Variants in KCNIP1 observed in about 807,000 individuals in gnomAD.
KCNIP1 encodes A-type potassium channel modulatory protein KCNIP1.
KCNIP1 carries 18 observed loss-of-function variants against 33.0 expected under a neutral mutation model. The observed-to-expected ratio is 0.55, with a 90% confidence interval of 0.38 to 0.81. The LOEUF (loss-of-function observed/expected upper bound fraction) is 0.81, where lower values mean the gene tolerates loss of function less well. Ranked by LOEUF, KCNIP1 falls within the 30% of genes least tolerant of loss-of-function variation. The probability of loss-of-function intolerance (pLI) is 0.00; values close to 1 mark genes in which losing one functional copy is unlikely to be tolerated. For missense variants in KCNIP1, 238 were observed against 271.6 expected (o/e 0.88, Z 0.87); for synonymous variants, 93 against 98.3 (o/e 0.95, Z 0.32).
intron 1 of KCNIP1, among the ~76,000 whole-genome samples, chr5:170,704,688 A>G (rs1238339701): frequency 6.6e-6 from 1 of 152,168 alleles, no homozygotes; most frequent in Non-Finnish European, 1.5e-5. Flanking sequence ...CTCCAGGGTG[A>G]GGAATCTAGG....
At chr5:170,474,446 A>G (rs907774288) in intron 1 of KCNIP1, among the ~76,000 whole-genome samples, 3 of 152,152 alleles carry the variant, frequency 2.0e-5, no homozygotes, top group African/African-American at 7.2e-5. Context: ...TCTTATGTAA[A>G]TTTAATTTAT....
chr5:170,433,273 G>T (rs1299570997), intron 1 of KCNIP1, among the ~76,000 whole-genome samples: 1 of 152,118 alleles, frequency 6.6e-6, no homozygotes, highest in Non-Finnish European at 1.5e-5. Flanking sequence ...TGCAACCCCT[G>T]CCTCCTGGGT....
intron 1 of KCNIP1, among the ~76,000 whole-genome samples, chr5:170,700,287 C>T (rs527533233): frequency 5.3e-5 from 8 of 152,254 alleles, no homozygotes; most frequent in African/African-American, 1.9e-4. Context: ...GTTCTTCCTG[C>T]CTAAGTTCGC....
intron 1 of KCNIP1, among the ~76,000 whole-genome samples, chr5:170,451,112 T>C (rs368835447): frequency 3.5e-4 from 54 of 152,280 alleles, no homozygotes; most frequent in African/African-American, 1.2e-3. Context: ...TCACAGAACA[T>C]TGACATCAGA....
At chr5:170,437,211 GGAAGGCACCTCTTAAAT>G (rs1262997138) in intron 1 of KCNIP1, among the ~76,000 whole-genome samples, 1 of 152,150 alleles carries the variant, frequency 6.6e-6, no homozygotes, top group Non-Finnish European at 1.5e-5. Context: ...GTGGGTCTAG[GGAAGGCACCTCTTAAAT>G]GAAGGTTTCA....
chr5:170,615,280 G>A (rs75753605), intron 1 of KCNIP1, among the ~76,000 whole-genome samples: 2,112 of 152,136 alleles, frequency 0.014, 55 homozygotes, highest in African/African-American at 0.047. Flanking sequence ...GCCTGGGCAC[G>A]TAGCTACTGT....
chr5:170,711,915 CAGATTGGGGGACAGGAG>C (rs1324932098), intron 1 of KCNIP1, among the ~76,000 whole-genome samples: 4 of 152,148 alleles, frequency 2.6e-5, no homozygotes, highest in Non-Finnish European at 4.4e-5. Context: ...GTCTGGGTTG[CAGATTGGGGGACAGGAG>C]AGAAACTAAT....
chr5:170,663,232 T>C (rs929946409), intron 1 of KCNIP1, among the ~76,000 whole-genome samples: 2 of 152,168 alleles, frequency 1.3e-5, no homozygotes, highest in African/African-American at 4.8e-5. Context: ...TTGCTAAACA[T>C]CTGAGCCAGA....
chr5:170,630,793 G>A (rs1760026085), intron 1 of KCNIP1, among the ~76,000 whole-genome samples: 1 of 152,214 alleles, frequency 6.6e-6, no homozygotes, highest in African/African-American at 2.4e-5. Flanking sequence ...CAGATTGCAT[G>A]ACTGTGTCTT....
intron 7 of KCNIP1, among the ~76,000 whole-genome samples, chr5:170,735,426 A>G (rs1290405914): frequency 1.3e-5 from 2 of 152,254 alleles, no homozygotes; most frequent in Non-Finnish European, 2.9e-5. Flanking sequence ...AACATTCAAT[A>G]ATTGGTCAGT....
chr5:170,580,891 C>T (rs751362468), intron 1 of KCNIP1, among the ~76,000 whole-genome samples: 2 of 152,158 alleles, frequency 1.3e-5, no homozygotes, highest in Non-Finnish European at 1.5e-5. Context: ...GGTCAGGCTG[C>T]CTTGGAAAGT....
intron 1 of KCNIP1, among the ~76,000 whole-genome samples, chr5:170,630,937 C>T (rs1760030617): frequency 6.6e-6 from 1 of 152,130 alleles, no homozygotes; most frequent in African/African-American, 2.4e-5. Flanking sequence ...CCAGTCACAC[C>T]AGGGCATAAG....
intron 1 of KCNIP1, among the ~76,000 whole-genome samples, chr5:170,608,099 C>G (rs1384718326): frequency 2.6e-5 from 4 of 152,098 alleles, no homozygotes; most frequent in African/African-American, 4.8e-5. Context: ...GACCCAGAAG[C>G]CTGTGACACA....
intron 1 of KCNIP1, among the ~76,000 whole-genome samples, chr5:170,581,424 CACTTCAT>C (rs1040253408): frequency 7.9e-5 from 12 of 152,232 alleles, no homozygotes; most frequent in African/African-American, 2.9e-4. Context: ...AAACAGGATG[CACTTCAT>C]GTGCCAGCTT....
At chr5:170,720,507 A>G in intron 3 of KCNIP1, 117 bp downstream of exon 3, 1 of 784,840 alleles carries the variant, frequency 1.3e-6, no homozygotes, top group Non-Finnish European at 2.2e-6. Context: ...AGACAAACTC[A>G]GGGCAGGACA....
At chr5:170,730,122 A>G (rs550586638) in intron 5 of KCNIP1, among the ~76,000 whole-genome samples, 1 of 152,246 alleles carries the variant, frequency 6.6e-6, no homozygotes, top group East Asian at 1.9e-4. Flanking sequence ...AGTGGTATGT[A>G]TGATATCTCA....
chr5:170,416,615 C>T (rs1463880402), intron 1 of KCNIP1, among the ~76,000 whole-genome samples: 1 of 152,066 alleles, frequency 6.6e-6, no homozygotes, highest in Non-Finnish European at 1.5e-5. Flanking sequence ...GATCAGGCCA[C>T]TCAGTATCTC....
chr5:170,501,076 G>A (rs1757400964), upstream of KCNIP1, among the ~76,000 whole-genome samples: 1 of 152,160 alleles, frequency 6.6e-6, no homozygotes, highest in South Asian at 2.1e-4. Flanking sequence ...AGTATGTAAA[G>A]CAGTTAAAAC....
At chr5:170,472,504 T>G (rs549839568) in intron 1 of KCNIP1, among the ~76,000 whole-genome samples, 1 of 152,294 alleles carries the variant, frequency 6.6e-6, no homozygotes, top group South Asian at 2.1e-4. Flanking sequence ...TAGTGGTGAT[T>G]TGTGAGATTT....
Sources: gnomAD v4.1 joint callset for allele counts (sites outside exome capture counted in the v4.1 genomes callset) on GRCh38, gnomAD v4.1.1 for gene constraint, MANE v1.5 for transcripts, NCBI Gene and HGNC (gene_info 2026-07-23, HGNC 2026-07-21) for gene names.